CCDC149: variants seen among roughly 807,000 people sequenced by gnomAD.
CCDC149 encodes coiled-coil domain containing 149.
A neutral mutation model predicts 59.9 loss-of-function variants in CCDC149; 45 were observed. The ratio of observed to expected loss-of-function variants is 0.75; its 90% confidence interval spans 0.59 to 0.96. The LOEUF (loss-of-function observed/expected upper bound fraction) is 0.96, where lower values mean the gene tolerates loss of function less well. Ranked by LOEUF, CCDC149 falls within the 40% of genes least tolerant of loss-of-function variation. The pLI, the probability that CCDC149 is intolerant of heterozygous loss-of-function variation, is 0.00. For missense variants in CCDC149, 584 were observed against 664.7 expected (o/e 0.88, Z 1.33); for synonymous variants, 245 against 260.6 (o/e 0.94, Z 0.58).
At chr4:24,977,425 A>G (rs560970067) in intron 1 of CCDC149, among the ~76,000 whole-genome samples, 2 of 152,266 alleles carry the variant, frequency 1.3e-5, no homozygotes, top group African/African-American at 4.8e-5. Flanking sequence ...CATTCATTTT[A>G]CAAACTAACA....
At chr4:24,923,278 A>G (rs1312622108) in intron 1 of CCDC149, among the ~76,000 whole-genome samples, 1 of 152,210 alleles carries the variant, frequency 6.6e-6, no homozygotes, top group Non-Finnish European at 1.5e-5. Context: ...TTACAAGTTC[A>G]TTAAATAACA....
chr4:24,879,614 G>A (rs1719709241), intron 1 of CCDC149, among the ~76,000 whole-genome samples: 1 of 151,628 alleles, frequency 6.6e-6, no homozygotes, highest in African/African-American at 2.4e-5. Flanking sequence ...GAACTCGGGA[G>A]GCGGAGGTTG....
chr4:24,954,491 G>C (rs569000291), intron 1 of CCDC149, among the ~76,000 whole-genome samples: 1 of 152,352 alleles, frequency 6.6e-6, no homozygotes, highest in Admixed American at 6.5e-5. Flanking sequence ...TAACTCCACA[G>C]CTTGTACACT....
chr4:24,884,020 A>G (rs988843274), intron 1 of CCDC149, among the ~76,000 whole-genome samples: 1 of 152,128 alleles, frequency 6.6e-6, no homozygotes, highest in African/African-American at 2.4e-5. Context: ...TCAACAAGAC[A>G]CTCCTAGAGG....
upstream of CCDC149, among the ~76,000 whole-genome samples, chr4:24,916,787 GGTGTGTGT>G (rs55857592): frequency 0.037 from 5,269 of 141,992 alleles, 306 homozygotes; most frequent in African/African-American, 0.13. Flanking sequence ...GGTTTATAAT[GGTGTGTGT>G]GTGTGTGTGT....
intron 2 of CCDC149, among the ~76,000 whole-genome samples, chr4:24,874,244 G>GTTTTTTTTTTTTTTTTTTTTTTTTTT (rs5856868): frequency 1.0e-4 from 9 of 87,486 alleles, no homozygotes; most frequent in African/African-American, 5.2e-4. Context: ...TATTAGATTT[G>GTTTTTTTTTTTTTTTTTTTTTTTTTT]TTTTTTTTTT....
upstream of CCDC149, among the ~76,000 whole-genome samples, chr4:24,917,581 G>A (rs1577484589): frequency 6.6e-6 from 1 of 152,104 alleles, no homozygotes; most frequent in Non-Finnish European, 1.5e-5. Context: ...AGAGACAGAG[G>A]GAGAGACAGG....
intron 1 of CCDC149, among the ~76,000 whole-genome samples, chr4:24,970,709 C>T (rs1403512526): frequency 6.6e-6 from 1 of 152,160 alleles, no homozygotes; most frequent in Non-Finnish European, 1.5e-5. Flanking sequence ...GCCTTACCAA[C>T]CAGTGGACTG....
chr4:24,894,253 C>A (rs922680878), intron 1 of CCDC149, among the ~76,000 whole-genome samples: 2 of 152,052 alleles, frequency 1.3e-5, no homozygotes, highest in African/African-American at 4.8e-5. Flanking sequence ...TGGCACACTG[C>A]AAATGGAAAC....
At position 24,837,247 on chromosome 4, in the gene CCDC149, C is replaced by T. The variant is rs1268753550; in HGVS notation, c.643G>A (p.Ala215Thr). The T allele has an allele frequency of 1.2e-5, 20 of 1,614,028 alleles. No individual in the cohort carries two copies. Among genetic ancestry groups the T allele is most frequent in the South Asian group, 5.5e-5 (5 of 91,082 alleles). ...ACTTGCCTGTTCTCCATACACAGGG[C>T]GTCCACGTCAATGATGCGGTTCTCG... is the stretch of plus-strand genomic sequence containing the variant. Residue 215 changes from alanine to threonine, a missense_variant, in exon 6 of 13, where the codon GCC (alanine) becomes ACC (threonine). By Grantham distance (58) the Ala-to-Thr change is moderately conservative. Coordinates refer to ENST00000635206, the MANE Select transcript of CCDC149 (RefSeq NM_001330643.2). The surrounding 1 kb of genome is among the most constrained non-coding windows in gnomAD (Gnocchi z 4.3).
At chr4:24,921,414 C>G (rs1436493189) in intron 1 of CCDC149, among the ~76,000 whole-genome samples, 1 of 152,192 alleles carries the variant, frequency 6.6e-6, no homozygotes, top group Non-Finnish European at 1.5e-5. Context: ...CATTCAACAC[C>G]CCCATCCAGG....
At chr4:24,905,129 T>C (rs1347920461) in intron 1 of CCDC149, among the ~76,000 whole-genome samples, 5 of 152,070 alleles carry the variant, frequency 3.3e-5, no homozygotes, top group Non-Finnish European at 5.9e-5. Context: ...CTTGAACTCC[T>C]GACCTCATGA....
At chr4:24,934,794 G>A (rs1722693256) in intron 1 of CCDC149, among the ~76,000 whole-genome samples, 1 of 152,214 alleles carries the variant, frequency 6.6e-6, no homozygotes, top group African/African-American at 2.4e-5. Context: ...TAGTGTCTTT[G>A]AGGATTAATA....
intron 1 of CCDC149, among the ~76,000 whole-genome samples, chr4:24,918,722 G>T (rs1722204091): frequency 6.6e-6 from 1 of 152,124 alleles, no homozygotes; most frequent in African/African-American, 2.4e-5. Context: ...AAACTTTCTG[G>T]GTTCCTGAGT....
chr4:24,928,813 A>G (rs1722502758), intron 1 of CCDC149, among the ~76,000 whole-genome samples: 1 of 152,226 alleles, frequency 6.6e-6, no homozygotes, highest in Non-Finnish European at 1.5e-5. Flanking sequence ...TAATGTGTCC[A>G]AAAGCTGAAA....
At chr4:24,804,357 G>A (rs548827302), downstream of CCDC149, among the ~76,000 whole-genome samples, 4 of 152,062 alleles carry the variant, frequency 2.6e-5, no homozygotes, top group Non-Finnish European at 4.4e-5. Context: ...CAGGCATGGT[G>A]GTGCATGCCT....
At chr4:24,898,950 G>A (rs1208083483) in intron 1 of CCDC149, among the ~76,000 whole-genome samples, 1 of 152,186 alleles carries the variant, frequency 6.6e-6, no homozygotes, top group Non-Finnish European at 1.5e-5. Flanking sequence ...GGTTACAGGA[G>A]TTACCAGAGG....
In CCDC149 at chr4:24,813,489, A is replaced by AATATATCTATATCT. The variant is rs1186488610; in HGVS notation, c.1193-4671_1193-4670insAGATATAGATATAT. On this transcript the variant is annotated intron_variant, in intron 12 of 12. Transcript: ENST00000635206. ...TATATCCCCAAGGTTCAGCTTGGGG[A>AATATATCTATATCT]ATATATATATATATATATATATATA... Among the ~76,000 whole-genome samples the AATATATCTATATCT allele has an allele frequency of 1.0e-3, 116 of 113,718 alleles. 3 individuals are homozygous for AATATATCTATATCT. The highest frequency in any genetic ancestry group is 4.4e-3 in the African/African-American group (109 of 24,896). 74.6% of individuals were successfully genotyped at this position (113,718 alleles called of 152,430 possible).
At chr4:24,831,729 G>A (rs1716167686) in intron 8 of CCDC149, 79 bp from the exon 9 acceptor site, 29 of 1,319,438 alleles carry the variant, frequency 2.2e-5, no homozygotes, top group Non-Finnish European at 7.4e-6. Context: ...AATCCTTCTT[G>A]GATAATGATA....
Sources: gnomAD v4.1 joint callset for allele counts (sites outside exome capture counted in the v4.1 genomes callset) on GRCh38, gnomAD v4.1.1 for gene constraint, Gnocchi (gnomAD v3.1) non-coding constraint, MANE v1.5 for transcripts, NCBI Gene and HGNC (gene_info 2026-07-23, HGNC 2026-07-21) for gene names.